The following FRMD4A variants were observed in gnomAD, a reference collection of about 807,000 sequenced individuals.
The protein encoded by FRMD4A is FERM domain-containing protein 4A.
FRMD4A carries 29 observed loss-of-function variants against 129.1 expected under a neutral mutation model. The observed-to-expected ratio is 0.22, with a 90% CI of 0.17 to 0.31. The LOEUF (loss-of-function observed/expected upper bound fraction) is 0.31. FRMD4A is among the 10% of genes least tolerant of loss of function. The pLI is 1.00. For synonymous variants in FRMD4A, 634 were observed against 571.6 expected (o/e 1.11, Z -1.56); for missense variants, 1,272 against 1,375.8 (o/e 0.92, Z 1.19).
At chr10:13,776,439 A>G (rs1362968065) in intron 6 of FRMD4A, among the ~76,000 whole-genome samples, 1 of 152,176 alleles carries the variant, frequency 6.6e-6, no homozygotes, top group Non-Finnish European at 1.5e-5. Context: ...CAGGAATTCA[A>G]CAACCTAAAA....
At chr10:13,914,522 T>A in intron 2 of FRMD4A, among the ~76,000 whole-genome samples, 1 of 152,346 alleles carries the variant, frequency 6.6e-6, no homozygotes, top group East Asian at 1.9e-4. Flanking sequence ...TTTATTTTTA[T>A]GTACTGATAA....
At chr10:13,941,808 T>C (rs1031823263) in intron 2 of FRMD4A, among the ~76,000 whole-genome samples, 1 of 152,148 alleles carries the variant, frequency 6.6e-6, no homozygotes, top group African/African-American at 2.4e-5. Context: ...TCTCTGAATT[T>C]TGCACAAAAA....
intron 2 of FRMD4A, among the ~76,000 whole-genome samples, chr10:14,203,250 G>C (rs1364986737): frequency 6.6e-6 from 1 of 152,154 alleles, no homozygotes; most frequent in African/African-American, 2.4e-5. Context: ...TAAATAATCA[G>C]TCTTTGAATG....
At chr10:13,672,901 A>G (rs2134723686) in intron 16 of FRMD4A, among the ~76,000 whole-genome samples, 1 of 152,330 alleles carries the variant, frequency 6.6e-6, no homozygotes, top group East Asian at 1.9e-4. Flanking sequence ...TCTACCTGCA[A>G]CTGATTTCTT....
At chr10:13,861,465 C>T (rs1259393119) in intron 2 of FRMD4A, among the ~76,000 whole-genome samples, 1 of 152,298 alleles carries the variant, frequency 6.6e-6, no homozygotes, top group Non-Finnish European at 1.5e-5. Context: ...TACATGGGGG[C>T]TAATCTCAAT....
chr10:14,242,784 G>C (rs2008839042), intron 2 of FRMD4A, among the ~76,000 whole-genome samples: 2 of 152,200 alleles, frequency 1.3e-5, no homozygotes. Context: ...GAGATTGCTG[G>C]TGAGAGTGAA....
intron 2 of FRMD4A, among the ~76,000 whole-genome samples, chr10:14,217,382 G>A (rs1408770260): frequency 1.3e-5 from 2 of 152,158 alleles, no homozygotes; most frequent in Non-Finnish European, 2.9e-5. Flanking sequence ...ATGTTTTCAT[G>A]GTGGTGAATA....
chr10:13,673,584 G>GCACACA lies in FRMD4A; in HGVS notation c.1251+1326_1251+1327insTGTGTG, dbSNP rs575885507. On this transcript the variant is annotated intron_variant, in intron 16 of 24. Coordinates refer to ENST00000357447, the MANE Select transcript of FRMD4A (RefSeq NM_018027.5). ...AATGCACACATGTGCATGCGTGCGC[G>GCACACA]CGCGCACACACACACACACACAGAG... 2.6e-3 allele frequency among the ~76,000 whole-genome samples: 394 copies of GCACACA among 150,100 alleles called. 1 individual carries two copies. Among genetic ancestry groups the GCACACA allele is most frequent in the South Asian group, 0.013 (64 of 4,780 alleles).
chr10:13,774,184 T>C (rs1381605747), intron 6 of FRMD4A, among the ~76,000 whole-genome samples: 5 of 152,164 alleles, frequency 3.3e-5, no homozygotes, highest in Non-Finnish European at 5.9e-5. Flanking sequence ...CTGTCTCATA[T>C]CCATATTTTA....
At chr10:13,830,660 C>T (rs116097186) in intron 3 of FRMD4A, among the ~76,000 whole-genome samples, 2,628 of 152,308 alleles carry the variant, frequency 0.017, 109 homozygotes, top group East Asian at 0.14. Flanking sequence ...GAGGCCTTGC[C>T]CTACTTACCA....
At chr10:13,982,155 C>T (rs559283417) in intron 2 of FRMD4A, among the ~76,000 whole-genome samples, 1 of 152,142 alleles carries the variant, frequency 6.6e-6, no homozygotes, top group African/African-American at 2.4e-5. Flanking sequence ...CTTGAAATTT[C>T]CCCTTTTACA....
At chr10:14,174,863 A>T (rs1414204338) in intron 2 of FRMD4A, among the ~76,000 whole-genome samples, 1 of 145,774 alleles carries the variant, frequency 6.9e-6, no homozygotes, top group Non-Finnish European at 1.5e-5. Context: ...TATTAAAAAA[A>T]AAAGTGTGTG....
At chr10:13,906,604 T>C (rs1365172454) in intron 2 of FRMD4A, among the ~76,000 whole-genome samples, 3 of 152,224 alleles carry the variant, frequency 2.0e-5, no homozygotes, top group Non-Finnish European at 4.4e-5. Context: ...CTGTATACAA[T>C]ACCGTCTTCT....
intron 2 of FRMD4A, among the ~76,000 whole-genome samples, chr10:14,227,243 CTTTTT>C (rs10674411): frequency 0.058 from 3,699 of 63,898 alleles, 67 homozygotes; most frequent in South Asian, 0.18. Flanking sequence ...TCTTCTTCTT[CTTTTT>C]TTTTTTTTTT....
intron 2 of FRMD4A, among the ~76,000 whole-genome samples, chr10:13,990,460 C>T (rs1398986645): frequency 2.6e-5 from 4 of 152,166 alleles, no homozygotes; most frequent in African/African-American, 9.7e-5. Flanking sequence ...TCCTTCCTGG[C>T]CTTCCTTGTG....
At chr10:14,235,942 A>G (rs1843797578) in intron 2 of FRMD4A, among the ~76,000 whole-genome samples, 1 of 152,258 alleles carries the variant, frequency 6.6e-6, no homozygotes, top group Non-Finnish European at 1.5e-5. Context: ...ATATTTAAAG[A>G]TGCAGCAACC....
chr10:13,964,632 A>G (rs993617303), intron 2 of FRMD4A, among the ~76,000 whole-genome samples: 5 of 151,474 alleles, frequency 3.3e-5, no homozygotes, highest in African/African-American at 1.2e-4. Context: ...CAAAAGTGAG[A>G]TATTTTAATT....
intron 2 of FRMD4A, among the ~76,000 whole-genome samples, chr10:14,039,455 A>AATCAATCTATCT (rs1240372534): frequency 1.1e-4 from 7 of 64,674 alleles, no homozygotes; most frequent in South Asian, 4.3e-4. Context: ...AAAATCAATC[A>AATCAATCTATCT]ATCTATCTAT....
intron 2 of FRMD4A, among the ~76,000 whole-genome samples, chr10:14,134,797 G>C (rs957952059): frequency 1.3e-5 from 2 of 152,156 alleles, no homozygotes; most frequent in Non-Finnish European, 1.5e-5. Flanking sequence ...GAGGTGTGGA[G>C]ACCCAAGGAG....
Sources: allele counts gnomAD v4.1 joint callset (sites outside exome capture counted in the v4.1 genomes callset), GRCh38; gene constraint gnomAD v4.1.1; transcripts MANE v1.5; gene names NCBI Gene and HGNC (gene_info 2026-07-23, HGNC 2026-07-21).